Variants in NF2 observed in about 807,000 individuals in gnomAD.
NF2 encodes the protein NF2, moesin-ezrin-radixin like (MERLIN) tumor suppressor.
Under a neutral mutation model 83.7 loss-of-function variants are expected in NF2, and 8 were observed. The ratio of observed to expected loss-of-function variants is 0.10; its 90% CI spans 0.06 to 0.17. The LOEUF is 0.17. NF2 is among the 10% of genes least tolerant of loss of function. The pLI, the probability that NF2 is intolerant of heterozygous loss-of-function variation, is 1.00. For synonymous variants in NF2, 266 were observed against 269.6 expected, an observed-to-expected ratio of 0.99 and a Z score of 0.13; for missense variants, 533 against 744.4, an observed-to-expected ratio of 0.72 and a Z score of 3.31.
chr22:29,620,748 G>T (rs1478862720), intron 1 of NF2, among the ~76,000 whole-genome samples: 1 of 151,808 alleles, frequency 6.6e-6, no homozygotes. Context: ...AGAGATGGGG[G>T]TCTCCCTACG....
Position 29,697,911 on chromosome 22 carries a change from T to A in NF2, c.*3109T>A, listed in dbSNP as rs2067598640. 2 of 215,904 alleles carry A rather than the reference T, an allele frequency of 9.3e-6. No individual in the cohort carries two copies. Among genetic ancestry groups the A allele is most frequent in the South Asian group, 1.9e-4 (1 of 5,356 alleles). 13.4% of individuals were successfully genotyped at this position (215,904 alleles called of 1,614,324 possible). On this transcript the variant is annotated 3_prime_UTR_variant, in exon 16 of 16. Transcript: ENST00000338641. ...GAACATTTTAGGGCCTGGGAGTTTG[T>A]CAAGTAAGGAAGTCTCAAGCCCAAA...
intron 7 of NF2, among the ~76,000 whole-genome samples, chr22:29,659,663 C>T (rs1230962418): frequency 6.6e-6 from 1 of 152,116 alleles, no homozygotes; most frequent in Non-Finnish European, 1.5e-5. Context: ...TGAGTCCTCA[C>T]CTCTCTCTCT....
chr22:29,676,453 G>A (rs1026234465), intron 13 of NF2, among the ~76,000 whole-genome samples: 1 of 152,130 alleles, frequency 6.6e-6, no homozygotes, highest in East Asian at 1.9e-4. Flanking sequence ...TGGGATTATA[G>A]GCATGAGCCA....
intron 1 of NF2, among the ~76,000 whole-genome samples, chr22:29,613,048 C>G (rs1030301450): frequency 1.3e-5 from 2 of 151,764 alleles, no homozygotes; most frequent in African/African-American, 2.4e-5. Flanking sequence ...GAGCTGAGAT[C>G]ACGCGCCACT....
chr22:29,669,894 A>G (rs963442526), intron 10 of NF2, among the ~76,000 whole-genome samples: 1 of 152,198 alleles, frequency 6.6e-6, no homozygotes, highest in Non-Finnish European at 1.5e-5. Context: ...CGTATATTAC[A>G]CCTTACAGTC....
At chr22:29,662,248 C>T (rs990235058) in intron 8 of NF2, among the ~76,000 whole-genome samples, 2 of 152,198 alleles carry the variant, frequency 1.3e-5, no homozygotes, top group Non-Finnish European at 2.9e-5. Flanking sequence ...GATCCTCTCA[C>T]CTCAGCCTCC....
chr22:29,650,155 A>C (rs985994515), intron 4 of NF2, among the ~76,000 whole-genome samples: 1 of 152,310 alleles, frequency 6.6e-6, no homozygotes, highest in East Asian at 1.9e-4. Flanking sequence ...TGATGGTTGC[A>C]CAAGATTCTG....
chr22:29,665,379 G>A (rs2066592758), intron 9 of NF2, among the ~76,000 whole-genome samples: 1 of 152,066 alleles, frequency 6.6e-6, no homozygotes, highest in East Asian at 1.9e-4. Context: ...AAGTAGCTGG[G>A]ATTACAGGCA....
chr22:29,610,921 C>T (rs1452380942), intron 1 of NF2, among the ~76,000 whole-genome samples: 2 of 152,116 alleles, frequency 1.3e-5, no homozygotes, highest in African/African-American at 4.8e-5. Context: ...AAATCCTCAA[C>T]AAAAATACTA....
chr22:29,606,495 G>A (rs77767504), intron 1 of NF2, among the ~76,000 whole-genome samples: 10,455 of 152,274 alleles, frequency 0.069, 363 homozygotes, highest in African/African-American at 0.079. Context: ...TTGGCTCCGG[G>A]ATTTTGCCTC....
At chr22:29,634,492 G>T (rs1027997226) in intron 1 of NF2, among the ~76,000 whole-genome samples, 1 of 152,132 alleles carries the variant, frequency 6.6e-6, no homozygotes, top group African/African-American at 2.4e-5. Context: ...CATTCCCTTG[G>T]CAGCTTTTGT....
chr22:29,633,962 C>T (rs1000516929), intron 1 of NF2, among the ~76,000 whole-genome samples: 2 of 152,258 alleles, frequency 1.3e-5, no homozygotes, highest in Non-Finnish European at 1.5e-5. Flanking sequence ...GAGCTGTAAA[C>T]GAGCAATATC....
intron 14 of NF2, among the ~76,000 whole-genome samples, chr22:29,678,945 C>T (rs757773344): frequency 1.3e-5 from 2 of 152,190 alleles, no homozygotes; most frequent in Non-Finnish European, 2.9e-5. Flanking sequence ...GAAATCTAAG[C>T]GAGGGCCCCT....
chr22:29,656,736 G>C (rs1229752302), intron 6 of NF2, among the ~76,000 whole-genome samples: 2 of 152,070 alleles, frequency 1.3e-5, no homozygotes, highest in East Asian at 1.9e-4. Context: ...AACAAGAGTT[G>C]TTGGGACAAA....
intron 1 of NF2, among the ~76,000 whole-genome samples, chr22:29,630,234 G>A (rs1205480347): frequency 6.6e-6 from 1 of 152,152 alleles, no homozygotes; most frequent in Non-Finnish European, 1.5e-5. Flanking sequence ...TATTGGTGCT[G>A]GTTGCTTCCT....
intron 4 of NF2, among the ~76,000 whole-genome samples, chr22:29,644,648 C>T (rs553019120): frequency 7.9e-5 from 12 of 152,152 alleles, no homozygotes; most frequent in East Asian, 3.9e-4. Context: ...ACTGAGTGAA[C>T]GAGACTCCGT....
In NF2 at chr22:29,696,477, G is replaced by A. The variant is rs1383318306; in HGVS notation, c.*1675G>A. 1 of 220,428 alleles carries A rather than the reference G, an allele frequency of 4.5e-6. No individual in the cohort carries two copies. The highest frequency in any genetic ancestry group is 6.5e-5 in the East Asian group (1 of 15,270). 13.7% of individuals were successfully genotyped at this position (220,428 alleles called of 1,614,324 possible). A position where few individuals can be genotyped will look rare whatever the true frequency, so the allele number is the denominator to read the frequency against. On this transcript the variant is annotated 3_prime_UTR_variant, in exon 16 of 16. Transcript: ENST00000338641. ...AAGATAGAGGCTATGGGGGCCTCAAGATTTTTGGAGAGCAGAGGTGGTCTC... is the reference window on the plus strand; with the variant it reads ...AAGATAGAGGCTATGGGGGCCTCAAAATTTTTGGAGAGCAGAGGTGGTCTC...
chr22:29,667,646 A>G (rs1166047143), intron 9 of NF2, among the ~76,000 whole-genome samples: 7 of 152,138 alleles, frequency 4.6e-5, no homozygotes, highest in African/African-American at 1.7e-4. Context: ...TTGGCCTCCG[A>G]AAGTGCTGGG....
At chr22:29,678,413 G>A (rs932597980) in intron 14 of NF2, 90 bp downstream of exon 14, 18 of 1,482,662 alleles carry the variant, frequency 1.2e-5, no homozygotes, top group African/African-American at 2.8e-5. Context: ...GTGAGAGGTC[G>A]CTGCAGCAGC....
Sources: gnomAD v4.1 joint callset for allele counts (sites outside exome capture counted in the v4.1 genomes callset) on GRCh38, gnomAD v4.1.1 for gene constraint, MANE v1.5 for transcripts, NCBI Gene and HGNC (gene_info 2026-07-23, HGNC 2026-07-21) for gene names.